The following LRP1B variants were observed in gnomAD, a reference collection of about 807,000 sequenced individuals.
The protein encoded by LRP1B is low-density lipoprotein receptor-related protein 1B.
LRP1B carries 217 observed loss-of-function variants against 556.6 expected under a neutral mutation model. The observed-to-expected ratio is 0.39, with a 90% CI of 0.35 to 0.44. The LOEUF is 0.44. Among genes scored for constraint, LRP1B ranks in the 20% least tolerant of loss-of-function variants. LRP1B has a pLI of 1.00. For missense variants in LRP1B, 5,053 were observed against 5,620.8 expected (o/e 0.90, Z 3.23); for synonymous variants, 2,047 against 1,865.8 (o/e 1.10, Z -2.50).
rs575303798 is a variant in LRP1B, at chr2:141,249,221, T to C, written c.464-1867A>G. Among the ~76,000 whole-genome samples, 13 of 152,234 alleles carry C rather than the reference T, an allele frequency of 8.5e-5. No individual in the cohort carries two copies. The East Asian group carries it at 2.5e-3, about 29-fold the overall frequency. On this transcript the variant is annotated intron_variant, in intron 4 of 90. Transcript: ENST00000389484. Reference sequence around the variant, plus strand: ...GATTTTAAAAATAGGAGAGGGATATTTCTCACAGAGGAAGAGGAGATGAAA... The same window carrying C: ...GATTTTAAAAATAGGAGAGGGATATCTCTCACAGAGGAAGAGGAGATGAAA...
intron 20 of LRP1B, among the ~76,000 whole-genome samples, chr2:140,942,682 A>G (rs554636798): frequency 6.7e-6 from 1 of 148,696 alleles, no homozygotes; most frequent in African/African-American, 2.4e-5. Flanking sequence ...TATCCTGCCA[A>G]ACTAAGCTTC....
chr2:141,859,093 CCT>C (rs1209767698), intron 1 of LRP1B, among the ~76,000 whole-genome samples: 1 of 152,088 alleles, frequency 6.6e-6, no homozygotes, highest in African/African-American at 2.4e-5. Flanking sequence ...GGTTTTCAAC[CCT>C]CTCATAACCT....
At chr2:140,955,225 T>C (rs1394447646) in intron 18 of LRP1B, among the ~76,000 whole-genome samples, 1 of 151,970 alleles carries the variant, frequency 6.6e-6, no homozygotes, top group East Asian at 1.9e-4. Flanking sequence ...TTGATTATTG[T>C]GTTTTAAAAA....
At chr2:141,995,095 A>C (rs894753875) in intron 1 of LRP1B, among the ~76,000 whole-genome samples, 2 of 152,158 alleles carry the variant, frequency 1.3e-5, no homozygotes, top group Non-Finnish European at 2.9e-5. Flanking sequence ...TTTATATAAT[A>C]ATAATAGCAT....
rs137870433 is a variant in LRP1B at position 140,434,407 on chromosome 2, A to T, written c.10414+8097T>A. On this transcript the variant is annotated intron_variant, in intron 66 of 90. Transcript: ENST00000389484. ...TCAAGTAACTTCTACTCTTGATCAA[A>T]GACAATTTCTTATGAAGATTTCTGA... Among the ~76,000 whole-genome samples the T allele has an allele frequency of 3.2e-3, 493 of 152,300 alleles. 3 individuals are homozygous for T. Among genetic ancestry groups the T allele is most frequent in the African/African-American group, 0.011 (464 of 41,560 alleles).
chr2:140,492,874 G>A (rs576959610), intron 56 of LRP1B, among the ~76,000 whole-genome samples, 181 bp from the exon 57 acceptor site: 8 of 152,240 alleles, frequency 5.3e-5, no homozygotes, highest in Middle Eastern at 6.8e-3. Context: ...GGCAGCACAC[G>A]CCCAGGCAGT....
intron 12 of LRP1B, among the ~76,000 whole-genome samples, chr2:141,017,555 G>C (rs193127926): frequency 6.6e-6 from 1 of 151,212 alleles, no homozygotes; most frequent in African/African-American, 2.4e-5. Context: ...GGAATTGTTC[G>C]CCAACTGATC....
chr2:141,004,697 A>G (rs532451544), intron 15 of LRP1B, among the ~76,000 whole-genome samples: 1 of 152,168 alleles, frequency 6.6e-6, no homozygotes, highest in South Asian at 2.1e-4. Flanking sequence ...AACCTTTCTA[A>G]AAGTGTTATA....
At chr2:141,206,515 A>C (rs939416797) in intron 6 of LRP1B, among the ~76,000 whole-genome samples, 3 of 151,804 alleles carry the variant, frequency 2.0e-5, no homozygotes, top group African/African-American at 7.3e-5. Context: ...TAAATACAGG[A>C]GGCGGAGCTT....
chr2:140,727,268 C>A (rs943226325), intron 35 of LRP1B, among the ~76,000 whole-genome samples: 7 of 152,124 alleles, frequency 4.6e-5, no homozygotes, highest in African/African-American at 1.7e-4. Flanking sequence ...ACACACAAAA[C>A]AAACGTATTT....
intron 2 of LRP1B, among the ~76,000 whole-genome samples, chr2:141,633,318 T>G (rs1301555160): frequency 6.6e-6 from 1 of 152,156 alleles, no homozygotes; most frequent in Non-Finnish European, 1.5e-5. Context: ...AGGTGAATAT[T>G]CTGGTTATAA....
chr2:141,808,869 C>T (rs188992123), intron 2 of LRP1B, among the ~76,000 whole-genome samples: 62 of 152,180 alleles, frequency 4.1e-4, no homozygotes, highest in African/African-American at 1.4e-3. Flanking sequence ...TTTTGATGAG[C>T]TTCTTCCCCT....
intron 41 of LRP1B, among the ~76,000 whole-genome samples, chr2:140,670,907 A>T (rs1439318280): frequency 6.6e-6 from 1 of 152,238 alleles, no homozygotes. Flanking sequence ...CTGAAAATGT[A>T]GCCACGTTAT....
chr2:141,930,621 G>A (rs1411916466), intron 1 of LRP1B, among the ~76,000 whole-genome samples: 1 of 152,018 alleles, frequency 6.6e-6, no homozygotes, highest in Non-Finnish European at 1.5e-5. Context: ...GAGCAGAAGG[G>A]ATAAGTGGTT....
intron 31 of LRP1B, 65 bp from the exon 32 acceptor site, chr2:140,813,871 C>A: frequency 8.4e-7 from 1 of 1,184,576 alleles, no homozygotes; most frequent in Non-Finnish European, 1.2e-6. Flanking sequence ...CCACCTAGCA[C>A]CACTGGATTT....
At chr2:141,992,599 T>C (rs2105118168) in intron 1 of LRP1B, among the ~76,000 whole-genome samples, 1 of 152,308 alleles carries the variant, frequency 6.6e-6, no homozygotes, top group African/African-American at 2.4e-5. Context: ...AACATCTGTG[T>C]GTGTCACATA....
intron 2 of LRP1B, among the ~76,000 whole-genome samples, chr2:141,620,181 G>T (rs1212282703): frequency 6.6e-6 from 1 of 152,134 alleles, no homozygotes; most frequent in Non-Finnish European, 1.5e-5. Context: ...TTGAACTCAT[G>T]GCCTCAAGCA....
intron 7 of LRP1B, among the ~76,000 whole-genome samples, chr2:141,165,419 G>A (rs904005196): frequency 5.3e-5 from 8 of 152,036 alleles, no homozygotes; most frequent in African/African-American, 1.7e-4. Flanking sequence ...ATAACCATAT[G>A]TATTACAAAT....
At chr2:140,711,024 T>TA (rs1000445634) in intron 37 of LRP1B, among the ~76,000 whole-genome samples, 40 of 152,114 alleles carry the variant, frequency 2.6e-4, no homozygotes, top group African/African-American at 9.2e-4. Flanking sequence ...TTAAGGTTGG[T>TA]AAAATAGAAG....
Sources: allele counts gnomAD v4.1 joint callset (sites outside exome capture counted in the v4.1 genomes callset), GRCh38; gene constraint gnomAD v4.1.1; transcripts MANE v1.5; gene names NCBI Gene and HGNC (gene_info 2026-07-23, HGNC 2026-07-21).